SNTG1: variants seen among roughly 807,000 people sequenced by gnomAD.
SNTG1 encodes syntrophin gamma 1.
A neutral mutation model predicts 74.7 loss-of-function variants in SNTG1; 39 were observed. The ratio of observed to expected loss-of-function variants is 0.52; its 90% CI spans 0.40 to 0.68. The LOEUF is 0.68. Ranked by LOEUF, SNTG1 falls within the 30% of genes least tolerant of loss-of-function variation. The pLI is 0.00. For missense variants in SNTG1, 685 were observed against 609.5 expected, an observed-to-expected ratio of 1.12 and a Z score of -1.30; for synonymous variants, 254 against 217.1, an observed-to-expected ratio of 1.17 and a Z score of -1.49.
intron 2 of SNTG1, among the ~76,000 whole-genome samples, chr8:50,338,282 C>T (rs2091215979): frequency 6.6e-6 from 1 of 152,156 alleles, no homozygotes; most frequent in South Asian, 2.1e-4. Context: ...GCAGTAAACA[C>T]AGCCTAACTC....
intron 3 of SNTG1, among the ~76,000 whole-genome samples, chr8:50,399,701 C>A (rs999942164): frequency 6.6e-6 from 1 of 151,858 alleles, no homozygotes; most frequent in African/African-American, 2.4e-5. Flanking sequence ...GGCTTCCCCC[C>A]TCAAAAAGGA....
At chr8:50,756,586 C>T (rs6985321) in intron 18 of SNTG1, among the ~76,000 whole-genome samples, 1 of 151,516 alleles carries the variant, frequency 6.6e-6, no homozygotes, top group East Asian at 2.0e-4. Context: ...GTATTTATGT[C>T]GGCCTATTTC....
At chr8:50,609,498 C>T (rs1240346376) in intron 13 of SNTG1, among the ~76,000 whole-genome samples, 1 of 152,004 alleles carries the variant, frequency 6.6e-6, no homozygotes, top group Non-Finnish European at 1.5e-5. Context: ...TTTAATATTC[C>T]TAGCTGTACA....
chr8:50,424,888 C>G (rs944592084), intron 4 of SNTG1, among the ~76,000 whole-genome samples: 1 of 152,046 alleles, frequency 6.6e-6, no homozygotes, highest in Non-Finnish European at 1.5e-5. Flanking sequence ...TCATTGTATT[C>G]AGTGGGAATA....
chr8:49,950,328 G>A (rs1004213015), intron 1 of SNTG1, among the ~76,000 whole-genome samples: 2 of 152,074 alleles, frequency 1.3e-5, no homozygotes, highest in Non-Finnish European at 2.9e-5. Context: ...CAATGAAATT[G>A]TATTAATATA....
In SNTG1 at chr8:50,121,160, G is replaced by A. The variant is rs748982400; in HGVS notation, c.-102-51401G>A. Among the ~76,000 whole-genome samples, 22 of 142,098 alleles carry A rather than the reference G, an allele frequency of 1.5e-4. 5 individuals are homozygous for A. Among genetic ancestry groups the A allele is most frequent in the South Asian group, 5.3e-4 (2 of 3,804 alleles). 93.2% of individuals were successfully genotyped at this position (142,098 alleles called of 152,430 possible). ...CTCTCAAGACCATTATTTTTTATAC[G>A]TAAGTGCCTCTGAATATAACAACAG... is the stretch of plus-strand genomic sequence containing the variant. On this transcript the variant is annotated intron_variant, in intron 1 of 18. Transcript: ENST00000642720.
intron 2 of SNTG1, among the ~76,000 whole-genome samples, chr8:50,267,015 C>T (rs1360142642): frequency 1.3e-5 from 2 of 151,544 alleles, no homozygotes; most frequent in Non-Finnish European, 2.9e-5. Flanking sequence ...TTCATAGTTA[C>T]TAAAGATTTT....
intron 2 of SNTG1, among the ~76,000 whole-genome samples, chr8:50,331,467 C>T (rs562943572): frequency 6.6e-6 from 1 of 152,214 alleles, no homozygotes; most frequent in African/African-American, 2.4e-5. Context: ...GGAGAGCTAG[C>T]AAGTCTGGAA....
At chr8:50,766,626 C>A (rs2095614574) in intron 18 of SNTG1, among the ~76,000 whole-genome samples, 1 of 151,676 alleles carries the variant, frequency 6.6e-6, no homozygotes, top group Admixed American at 6.6e-5. Context: ...TAATATTTAC[C>A]ACTTTGTTCT....
rs181325753 is a variant in SNTG1, at chr8:50,765,257, G to T, written c.1395+13146G>T. Among the ~76,000 whole-genome samples the T allele has an allele frequency of 8.5e-4, 129 of 152,140 alleles. No individual in the cohort carries two copies. The Middle Eastern group carries it at 0.034, about 40-fold the overall frequency. Reference sequence around the variant, plus strand: ...GGCCATGGCTTTTCTGTAGCATTTGGCTAAAGAATATCAATTATTGTATAA... The same window carrying T: ...GGCCATGGCTTTTCTGTAGCATTTGTCTAAAGAATATCAATTATTGTATAA... On this transcript the variant is annotated intron_variant, in intron 18 of 18. Transcript: ENST00000642720.
chr8:50,758,383 T>C (rs6981429), intron 18 of SNTG1, among the ~76,000 whole-genome samples: 66,262 of 151,800 alleles, frequency 0.44, 16,692 homozygotes, highest in African/African-American at 0.7. Context: ...AGGTTTGTTA[T>C]ATAGGTATAC....
intron 13 of SNTG1, among the ~76,000 whole-genome samples, chr8:50,650,744 C>A (rs1318482968): frequency 6.6e-6 from 1 of 151,842 alleles, no homozygotes; most frequent in Non-Finnish European, 1.5e-5. Flanking sequence ...CTCTGTTGCC[C>A]AGCTGGATTG....
intron 2 of SNTG1, among the ~76,000 whole-genome samples, chr8:50,207,551 T>C (rs2084307201): frequency 6.6e-6 from 1 of 152,188 alleles, no homozygotes; most frequent in Non-Finnish European, 1.5e-5. Flanking sequence ...AGGGTTTTTT[T>C]GTGTCTCTAT....
intron 2 of SNTG1, among the ~76,000 whole-genome samples, chr8:50,252,618 G>A (rs927754101): frequency 6.6e-6 from 1 of 152,186 alleles, no homozygotes; most frequent in Non-Finnish European, 1.5e-5. Context: ...CATGGTGGAA[G>A]TTGAAGGAAG....
At chr8:49,935,201 AAGTG>A (rs1807945887) in intron 1 of SNTG1, among the ~76,000 whole-genome samples, 1 of 94,324 alleles carries the variant, frequency 1.1e-5, no homozygotes. Context: ...AGCCAAGCAG[AAGTG>A]TGTGTGTGTG....
At chr8:50,380,535 A>G (rs1027030536) in intron 2 of SNTG1, among the ~76,000 whole-genome samples, 2 of 152,236 alleles carry the variant, frequency 1.3e-5, no homozygotes, top group African/African-American at 2.4e-5. Context: ...CAAGTAAAGC[A>G]TTATGGAAAT....
intron 2 of SNTG1, among the ~76,000 whole-genome samples, chr8:50,384,448 A>G (rs2131252353): frequency 6.6e-6 from 1 of 152,274 alleles, no homozygotes; most frequent in Admixed American, 6.5e-5. Flanking sequence ...TCCAAAATAA[A>G]TGTCTATTTC....
At chr8:50,643,925 G>T (rs2095090206) in intron 13 of SNTG1, 1 of 152,182 alleles carries the variant, frequency 6.6e-6, no homozygotes, top group African/African-American at 2.4e-5. Context: ...TATTTGAATG[G>T]CTTTAAGCAC....
At chr8:50,664,344 T>G (rs1274417946) in intron 15 of SNTG1, among the ~76,000 whole-genome samples, 2 of 152,080 alleles carry the variant, frequency 1.3e-5, no homozygotes, top group Non-Finnish European at 2.9e-5. Context: ...ACTAGGAATA[T>G]AAAATTAGGC....
Sources: gnomAD v4.1 joint callset for allele counts (sites outside exome capture counted in the v4.1 genomes callset) on GRCh38, gnomAD v4.1.1 for gene constraint, MANE v1.5 for transcripts, NCBI Gene and HGNC (gene_info 2026-07-23, HGNC 2026-07-21) for gene names.